The following ZMAT4 variants were observed in gnomAD, a reference collection of about 807,000 sequenced individuals.
ZMAT4 encodes zinc finger matrin-type 4, also known as zinc finger matrin-type protein 4.
Under a neutral mutation model 28.7 loss-of-function variants are expected in ZMAT4, and 17 were observed. The observed-to-expected ratio is 0.59, with a 90% CI of 0.41 to 0.89. The LOEUF (loss-of-function observed/expected upper bound fraction) is 0.89. Among genes scored for constraint, ZMAT4 ranks in the 40% least tolerant of loss-of-function variants. The pLI is 0.00. For missense variants in ZMAT4, 240 were observed against 283.8 expected (o/e 0.85, Z 1.11); for synonymous variants, 117 against 109.2 (o/e 1.07, Z -0.44).
intron 1 of ZMAT4, among the ~76,000 whole-genome samples, chr8:40,875,927 C>G (rs747402873): frequency 6.6e-6 from 1 of 152,246 alleles, no homozygotes; most frequent in South Asian, 2.1e-4. Flanking sequence ...GGAAAGACGA[C>G]GGATATGTCA....
intron 3 of ZMAT4, among the ~76,000 whole-genome samples, chr8:40,721,632 CA>C (rs1192609476): frequency 2.0e-5 from 3 of 149,424 alleles, no homozygotes; most frequent in African/African-American, 7.4e-5. Context: ...ACATCCTCTC[CA>C]GCACCTGTTG....
intron 2 of ZMAT4, among the ~76,000 whole-genome samples, chr8:40,784,737 C>G (rs1001613331): frequency 1.9e-4 from 29 of 152,242 alleles, no homozygotes; most frequent in Non-Finnish European, 2.8e-4. Flanking sequence ...GAATCATTAC[C>G]CCTGCTCCCG....
chr8:40,551,704 G>A lies in ZMAT4; in HGVS notation c.675-19466C>T, dbSNP rs141817704. Among the ~76,000 whole-genome samples the A allele has an allele frequency of 1.3e-3, 199 of 152,146 alleles. 1 individual carries two copies. Among genetic ancestry groups the A allele is most frequent in the African/African-American group, 4.6e-3 (190 of 41,510 alleles). On this transcript the variant is annotated intron_variant, in intron 6 of 6. Coordinates refer to ENST00000297737, the MANE Select transcript of ZMAT4 (RefSeq NM_024645.3). ...CAAGGTATTTTTCATGAAACAAGAT[G>A]GGCTCGCTGCTTACCTAATACTAGT...
At chr8:40,881,468 A>T (rs532559371) in intron 1 of ZMAT4, among the ~76,000 whole-genome samples, 3 of 147,410 alleles carry the variant, frequency 2.0e-5, no homozygotes, top group African/African-American at 7.6e-5. Context: ...AGAAAGAAAG[A>T]AAGAAAGAAA....
Position 40,830,825 on chromosome 8 carries a change from T to C in ZMAT4, c.-4-5145A>G, listed in dbSNP as rs1005026502. On this transcript the variant is annotated intron_variant, in intron 1 of 6. Transcript: ENST00000297737. ...TTGGTTCAAATCCAGGTGTGGTTGCTTGCCAACTAGGTTGTTCAGCAACTT... is the reference window on the plus strand; with the variant it reads ...TTGGTTCAAATCCAGGTGTGGTTGCCTGCCAACTAGGTTGTTCAGCAACTT... 3.9e-5 allele frequency among the ~76,000 whole-genome samples: 6 copies of C among 152,188 alleles called. 1 individual carries two copies. The highest frequency in any genetic ancestry group is 7.4e-5 in the Non-Finnish European group (5 of 68,026).
At chr8:40,572,490 A>C (rs1804129851) in intron 6 of ZMAT4, among the ~76,000 whole-genome samples, 1 of 152,180 alleles carries the variant, frequency 6.6e-6, no homozygotes, top group African/African-American at 2.4e-5. Flanking sequence ...CAAAGTAAGT[A>C]ATGACAACTT....
intron 4 of ZMAT4, among the ~76,000 whole-genome samples, chr8:40,689,613 T>C (rs1439296681): frequency 6.6e-6 from 1 of 152,076 alleles, no homozygotes; most frequent in Admixed American, 6.6e-5. Context: ...TTTATGAGTG[T>C]CTTCTCAATT....
chr8:40,889,096 G>A (rs1044044441), intron 1 of ZMAT4, among the ~76,000 whole-genome samples: 1 of 152,182 alleles, frequency 6.6e-6, no homozygotes, highest in Non-Finnish European at 1.5e-5. Context: ...CAACTTCTCT[G>A]CTTGTGAAAT....
intron 2 of ZMAT4, among the ~76,000 whole-genome samples, chr8:40,818,481 G>A (rs1312947366): frequency 6.6e-6 from 1 of 152,158 alleles, no homozygotes; most frequent in Admixed American, 6.5e-5. Context: ...ATATTACCCT[G>A]GACAAATGTA....
intron 6 of ZMAT4, among the ~76,000 whole-genome samples, chr8:40,559,785 A>T (rs1343481993): frequency 6.6e-6 from 1 of 152,158 alleles, no homozygotes; most frequent in Non-Finnish European, 1.5e-5. Context: ...GAATACACAT[A>T]ATTACAGAAA....
At chr8:40,574,783 C>T (rs1468578911) in intron 6 of ZMAT4, among the ~76,000 whole-genome samples, 1 of 152,164 alleles carries the variant, frequency 6.6e-6, no homozygotes, top group Admixed American at 6.5e-5. Flanking sequence ...GTACCCTCGC[C>T]AGCCCACATT....
chr8:40,789,011 A>AGG (rs1814207778), intron 2 of ZMAT4, among the ~76,000 whole-genome samples: 1 of 108,288 alleles, frequency 9.2e-6, no homozygotes, highest in Non-Finnish European at 1.8e-5. Flanking sequence ...GAGGAAGGAA[A>AGG]AGAGGAAGGG....
intron 2 of ZMAT4, among the ~76,000 whole-genome samples, chr8:40,778,181 C>T (rs902402388): frequency 1.2e-4 from 19 of 152,188 alleles, no homozygotes; most frequent in African/African-American, 3.9e-4. Flanking sequence ...AAGAGATTCT[C>T]CATCTCTCAT....
At chr8:40,534,392 T>C (rs865781202) in intron 6 of ZMAT4, among the ~76,000 whole-genome samples, 7 of 152,336 alleles carry the variant, frequency 4.6e-5, no homozygotes, top group African/African-American at 1.7e-4. Flanking sequence ...AAATTCTTTT[T>C]CATCTGAGAG....
chr8:40,615,696 C>T (rs564443212), intron 5 of ZMAT4, among the ~76,000 whole-genome samples: 5 of 152,284 alleles, frequency 3.3e-5, no homozygotes, highest in Non-Finnish European at 5.9e-5. Context: ...ATCACTGATA[C>T]CCTTTCTTCC....
At chr8:40,644,593 A>G (rs940121506) in intron 5 of ZMAT4, among the ~76,000 whole-genome samples, 1 of 152,222 alleles carries the variant, frequency 6.6e-6, no homozygotes, top group African/African-American at 2.4e-5. Flanking sequence ...AACAAAGAGG[A>G]TAGATAAACC....
At chr8:40,626,304 G>A (rs929872851) in intron 5 of ZMAT4, among the ~76,000 whole-genome samples, 13 of 152,136 alleles carry the variant, frequency 8.5e-5, no homozygotes, top group African/African-American at 2.9e-4. Context: ...AACCAGCTAA[G>A]TGTGGCATCT....
chr8:40,700,987 A>T (rs577047456), intron 3 of ZMAT4, among the ~76,000 whole-genome samples: 1 of 152,270 alleles, frequency 6.6e-6, no homozygotes, highest in East Asian at 1.9e-4. Flanking sequence ...CAGAGGGTTC[A>T]TTTGTGGGAT....
rs111870427 is a variant in ZMAT4 at position 40,842,073 on chromosome 8, C to G, written c.-4-16393G>C. On this transcript the variant is annotated intron_variant, in intron 1 of 6. Coordinates refer to ENST00000297737, the MANE Select transcript of ZMAT4 (RefSeq NM_024645.3). ...GGGTAGAAAGTATTAGGTCTTCCCT[C>G]CCCCAAGCCCCACAAGGCCCTCCTA... Among the ~76,000 whole-genome samples the G allele has an allele frequency of 1.1e-3, 167 of 152,304 alleles. 2 individuals are homozygous for G. The highest frequency in any genetic ancestry group is 3.8e-3 in the African/African-American group (157 of 41,566).
Sources: gnomAD v4.1 joint callset for allele counts (sites outside exome capture counted in the v4.1 genomes callset) on GRCh38, gnomAD v4.1.1 for gene constraint, MANE v1.5 for transcripts, NCBI Gene and HGNC (gene_info 2026-07-23, HGNC 2026-07-21) for gene names.